Variants in GIPC2 observed in about 807,000 individuals in gnomAD.
GIPC2 encodes the protein GIPC PDZ domain containing family member 2, also known as PDZ domain-containing protein GIPC2.
In GIPC2, 30 loss-of-function variants were observed where a neutral mutation model predicts 30.6. The ratio of observed to expected loss-of-function variants is 0.98; its 90% CI spans 0.73 to 1.33. The LOEUF (loss-of-function observed/expected upper bound fraction) is 1.33, where lower values mean the gene tolerates loss of function less well. Among genes scored for constraint, GIPC2 ranks in the 40% most tolerant of loss-of-function variants. The pLI, the probability that GIPC2 is intolerant of heterozygous loss-of-function variation, is 0.00. For synonymous variants in GIPC2, 167 were observed against 150.0 expected (o/e 1.11, Z -0.83); for missense variants, 414 against 390.3 (o/e 1.06, Z -0.51).
chr1:78,077,472 G>C lies in GIPC2; in HGVS notation c.241-3203G>C, dbSNP rs577380346. On this transcript the variant is annotated intron_variant, in intron 1 of 5. Transcript: ENST00000370759. The stretch of plus-strand genomic sequence containing the variant: ...GTTATGGAAATAGGCAATGATGGCA[G>C]TAAAGCAACAAATACAGATTACCCC... 1.2e-3 allele frequency among the ~76,000 whole-genome samples: 176 copies of C among 152,258 alleles called. 1 individual carries two copies. The highest frequency in any genetic ancestry group is 1.6e-3 in the Non-Finnish European group (111 of 68,010).
intron 3 of GIPC2, among the ~76,000 whole-genome samples, chr1:78,099,124 A>G (rs1442742716): frequency 6.6e-6 from 1 of 152,126 alleles, no homozygotes; most frequent in Admixed American, 6.6e-5. Context: ...GCAAGAGCAT[A>G]CTAATATGTT....
chr1:78,102,712 G>A lies in GIPC2; in HGVS notation c.607+7580G>A, dbSNP rs180881432. Among the ~76,000 whole-genome samples the A allele has an allele frequency of 2.0e-3, 311 of 152,300 alleles. 4 individuals are homozygous for A. The highest frequency in any genetic ancestry group is 6.7e-3 in the African/African-American group (279 of 41,564). ...CATTGAGCTGTTGTGAGGATTAAAT[G>A]ATTAAACATGAAAGAATCATAGAGC... is the stretch of plus-strand genomic sequence containing the variant. On this transcript the variant is annotated intron_variant, in intron 3 of 5. Transcript: ENST00000370759.
Position 78,123,057 on chromosome 1 carries a change from C to T in GIPC2, c.715-2824C>T, listed in dbSNP as rs149985012. On this transcript the variant is annotated intron_variant, in intron 4 of 5. Transcript: ENST00000370759. ...GGTGGGTTACCTGAGGTCAGGAGTT[C>T]GAGACTAGCCTGGCCAATGTGATGA... Among the ~76,000 whole-genome samples the T allele has an allele frequency of 3.1e-3, 473 of 151,936 alleles. 1 individual carries two copies. Among genetic ancestry groups the T allele is most frequent in the African/African-American group, 0.011 (454 of 41,464 alleles).
At chr1:78,092,177 A>G in intron 2 of GIPC2, 1 of 619,882 alleles carries the variant, frequency 1.6e-6, no homozygotes, top group Non-Finnish European at 2.8e-6. Flanking sequence ...GCCTTTAAAA[A>G]ACCCAAGGGA....
chr1:78,091,459 G>A, intron 2 of GIPC2: 4 of 611,008 alleles, frequency 6.5e-6, no homozygotes, highest in South Asian at 1.8e-5. Flanking sequence ...TGGCTTGGTG[G>A]CTGGCTCTAC....
chr1:78,045,467 T>A (rs992540257), upstream of GIPC2: 3 of 659,926 alleles, frequency 4.5e-6, no homozygotes, highest in African/African-American at 5.9e-5. Context: ...GTGCTGAATG[T>A]TGGGAGAGGA....
chr1:78,081,983 C>T (rs970374204), intron 2 of GIPC2, among the ~76,000 whole-genome samples: 4 of 152,158 alleles, frequency 2.6e-5, no homozygotes. Context: ...ATTTGTGCCC[C>T]TTCCCAGTCA....
Position 78,135,377 on chromosome 1 carries a change from G to A in GIPC2, c.797-215G>A, listed in dbSNP as rs141054298. Among the ~76,000 whole-genome samples, 717 of 152,254 alleles carry A rather than the reference G, an allele frequency of 4.7e-3. 8 individuals are homozygous for A. Among genetic ancestry groups the A allele is most frequent in the Middle Eastern group, 0.01 (3 of 294 alleles). ...GCAAGGGTGGCAGCTGCAAACCTGG[G>A]TTCAGTGGACACATTGTTGAAAAGT... On this transcript the variant is annotated intron_variant, in intron 5 of 5. Transcript: ENST00000370759.
At chr1:78,128,186 T>C (rs1239274128) in intron 5 of GIPC2, among the ~76,000 whole-genome samples, 1 of 152,206 alleles carries the variant, frequency 6.6e-6, no homozygotes, top group African/African-American at 2.4e-5. Context: ...TCCTTTTGCC[T>C]GGCTAATTTT....
chr1:78,046,237 T>G lies in GIPC2; in HGVS notation c.143T>G (p.Leu48Arg). The G allele has an allele frequency of 6.2e-7, 1 of 1,608,306 alleles. No individual in the cohort carries two copies. Among genetic ancestry groups the G allele is most frequent in the Admixed American group, 1.7e-5 (1 of 59,676 alleles). ...PARRLVFHAQLAHGSATGRVE... is the reference protein window; with the variant it reads ...PARRLVFHAQRAHGSATGRVE... ...CGCAGGCTGGTCTTCCACGCGCAGCTGGCGCACGGTAGTGCCACGGGCCGA... is the reference window on the plus strand; with the variant it reads ...CGCAGGCTGGTCTTCCACGCGCAGCGGGCGCACGGTAGTGCCACGGGCCGA... The change falls in exon 1 of 6, where the codon CTG becomes CGG. Residue 48 changes from leucine (L) to arginine (R), a missense_variant. Transcript: ENST00000370759.
At chr1:78,112,442 T>A in intron 3 of GIPC2, 1 of 519,080 alleles carries the variant, frequency 1.9e-6, no homozygotes. Flanking sequence ...TCTTGTTCAC[T>A]GAGCAACTTG....
chr1:78,063,257 T>C (rs1355973818), intron 1 of GIPC2, among the ~76,000 whole-genome samples: 2 of 152,000 alleles, frequency 1.3e-5, no homozygotes, highest in Non-Finnish European at 2.9e-5. Flanking sequence ...CCCAGCACTT[T>C]GGGAGGCCGA....
At chr1:78,093,854 C>T (rs1196747563) in intron 2 of GIPC2, among the ~76,000 whole-genome samples, 3 of 152,140 alleles carry the variant, frequency 2.0e-5, no homozygotes, top group Admixed American at 1.3e-4. Context: ...AGAACTTGTA[C>T]ATCCTCTGCA....
intron 5 of GIPC2, among the ~76,000 whole-genome samples, chr1:78,126,575 G>C (rs1015518354): frequency 3.9e-5 from 6 of 151,922 alleles, no homozygotes; most frequent in African/African-American, 1.5e-4. Context: ...GAAACTTATT[G>C]GTTCTTATAA....
At chr1:78,053,493 T>A (rs886378853) in intron 1 of GIPC2, among the ~76,000 whole-genome samples, 1 of 152,072 alleles carries the variant, frequency 6.6e-6, no homozygotes, top group Non-Finnish European at 1.5e-5. Context: ...AAACTGCAGG[T>A]GAGAATCCCT....
chr1:78,096,865 T>G lies in GIPC2; in HGVS notation c.607+1733T>G, dbSNP rs537128143. On this transcript the variant is annotated intron_variant, in intron 3 of 5. Transcript: ENST00000370759. ...CAGAGATTGACTTTGGAGGAATAAG[T>G]TTTTATTTTCCAAGGTTTCTATGGA... 2.0e-5 allele frequency among the ~76,000 whole-genome samples: 3 copies of G among 152,290 alleles called. No homozygotes were observed. In the East Asian group the frequency reaches 5.8e-4, roughly 29 times the overall value.
In GIPC2 at chr1:78,125,954, T is replaced by G; in HGVS notation, c.788T>G (p.Ile263Ser). Residue 263 changes from isoleucine (I) to serine (S), a missense_variant, in exon 5 of 6, where the codon ATT becomes AGT. Ile to Ser is a moderately radical substitution (Grantham distance 142). Coordinates refer to ENST00000370759, the MANE Select transcript of GIPC2 (RefSeq NM_017655.6). ...VLELYMGIRD[I>S]DLATTMFEAG... ...GAGTTGTACATGGGAATTCGAGATA[T>G]TGATTTAGGTAAGATTATACTATTT... is the stretch of plus-strand genomic sequence containing the variant. 1 of 1,467,984 alleles carries G rather than the reference T, an allele frequency of 6.8e-7. No homozygotes were observed. Among genetic ancestry groups the G allele is most frequent in the Non-Finnish European group, 9.5e-7 (1 of 1,047,196 alleles). The allele number at this position is 1,467,984 out of a possible 1,614,324, so 90.9% of individuals were successfully genotyped here.
chr1:78,045,805 G>A, upstream of GIPC2: 2 of 1,185,476 alleles, frequency 1.7e-6, no homozygotes, highest in Non-Finnish European at 2.1e-6. Flanking sequence ...AGGCGTTCAC[G>A]TAAATAGAGC....
chr1:78,063,845 T>C (rs1661450964), intron 1 of GIPC2, among the ~76,000 whole-genome samples: 1 of 150,544 alleles, frequency 6.6e-6, no homozygotes, highest in African/African-American at 2.5e-5. Flanking sequence ...TGAGCTGAGA[T>C]TGTGCCGCTG....
Sources: gnomAD v4.1 joint callset for allele counts (sites outside exome capture counted in the v4.1 genomes callset) on GRCh38, gnomAD v4.1.1 for gene constraint, MANE v1.5 for transcripts, NCBI Gene and HGNC (gene_info 2026-07-23, HGNC 2026-07-21) for gene names.